The following ZMIZ1 variants were observed in gnomAD, a reference collection of about 807,000 sequenced individuals.
The protein encoded by ZMIZ1 is zinc finger MIZ-type containing 1.
Under a neutral mutation model 113.9 loss-of-function variants are expected in ZMIZ1, and 17 were observed. The observed-to-expected ratio is 0.15, with a 90% CI of 0.10 to 0.22. The LOEUF is 0.22. ZMIZ1 is among the 10% of genes least tolerant of loss of function. The pLI, the probability that ZMIZ1 is intolerant of heterozygous loss-of-function variation, is 1.00. For synonymous variants in ZMIZ1, 607 were observed against 603.1 expected (o/e 1.01, Z -0.09); for missense variants, 1,059 against 1,477.8 (o/e 0.72, Z 4.65).
In ZMIZ1 at chr10:79,162,315, C is replaced by T. The variant is rs577036738; in HGVS notation, c.-50+182C>T. Among the ~76,000 whole-genome samples the T allele has an allele frequency of 2.6e-5, 4 of 152,250 alleles. No homozygotes were observed. In the East Asian group the frequency reaches 7.7e-4, roughly 29 times the overall value. ...TGCCCCCAATGGGCTGTCCCTCTAC[C>T]TGGCACCCAGGGACCTCTTGGCCTG... On this transcript the variant is annotated intron_variant, in intron 4 of 24. Transcript: ENST00000334512.
chr10:79,307,860 C>G (rs1240366108), intron 23 of ZMIZ1, among the ~76,000 whole-genome samples: 1 of 152,132 alleles, frequency 6.6e-6, no homozygotes, highest in African/African-American at 2.4e-5. Context: ...GCACTCGCCA[C>G]TACCCAGCAC....
In ZMIZ1 at chr10:79,290,959, G is replaced by A. The variant is rs764513112; in HGVS notation, c.541G>A (p.Val181Ile). The A allele has an allele frequency of 2.5e-6, 4 of 1,612,854 alleles. No individual in the cohort carries two copies. The South Asian group carries it at 4.4e-5, about 18-fold the overall frequency. The change falls in exon 10 of 25, where the codon GTC becomes ATC. Residue 181 changes from valine (V) to isoleucine (I), a missense_variant and splice_region_variant. Physicochemically the swap from Val to Ile is conservative, Grantham distance 29 (BLOSUM62 3). Around this residue, in one of 6 missense-constraint regions of ZMIZ1, gnomAD observed 272 missense variants for 350.4 expected, o/e 0.78. Coordinates refer to ENST00000334512, the MANE Select transcript of ZMIZ1 (RefSeq NM_020338.4). Reference protein sequence around the residue: ...WGVTNTSQSQVLGNPMANANN... With the variant: ...WGVTNTSQSQILGNPMANANN... ...GTGACAACCACTTCTCTGCCCACAG[G>A]TCCTTGGGAACCCTATGGCCAATGC...
At chr10:79,223,712 C>T (rs1280759293) in intron 7 of ZMIZ1, among the ~76,000 whole-genome samples, 1 of 152,234 alleles carries the variant, frequency 6.6e-6, no homozygotes, top group Non-Finnish European at 1.5e-5. Context: ...GTGCTGGAAG[C>T]AGGTCTGATT....
At position 79,240,638 on chromosome 10, in the gene ZMIZ1, C is replaced by CTTTTTTTTTTTTT. The variant is rs56903717; in HGVS notation, c.280+24379_280+24391dup. Among the ~76,000 whole-genome samples, 85 of 55,320 alleles carry CTTTTTTTTTTTTT rather than the reference C, an allele frequency of 1.5e-3. 8 individuals carry two copies. The highest frequency in any genetic ancestry group is 5.2e-3 in the African/African-American group (62 of 11,984). 36.3% of individuals were successfully genotyped at this position (55,320 alleles called of 152,430 possible). The stretch of plus-strand genomic sequence containing the variant: ...CGTAAATCTAGTGAAGAGTATTTAT[C>CTTTTTTTTTTTTT]TTTTTTTTTTTTTTTTTTTTTTTTT... On this transcript the variant is annotated intron_variant, in intron 7 of 24. Transcript: ENST00000334512.
chr10:79,254,403 G>T (rs1306135370), intron 7 of ZMIZ1, among the ~76,000 whole-genome samples: 2 of 152,264 alleles, frequency 1.3e-5, no homozygotes, highest in African/African-American at 4.8e-5. Context: ...CAGAAGCAGA[G>T]TCAGGGTGCC....
intron 1 of ZMIZ1, among the ~76,000 whole-genome samples, chr10:79,084,001 C>T (rs1370221605): frequency 6.6e-6 from 1 of 152,138 alleles, no homozygotes; most frequent in Non-Finnish European, 1.5e-5. Flanking sequence ...TTTGGTCTCT[C>T]TCCTCCCCTC....
chr10:79,226,057 C>T (rs536286075), intron 7 of ZMIZ1, among the ~76,000 whole-genome samples: 22 of 152,368 alleles, frequency 1.4e-4, no homozygotes, highest in African/African-American at 4.6e-4. Flanking sequence ...GCAATACACG[C>T]AGTCCCTTCT....
chr10:79,299,469 C>T (rs185691408), intron 16 of ZMIZ1, among the ~76,000 whole-genome samples: 2 of 152,376 alleles, frequency 1.3e-5, no homozygotes, highest in Admixed American at 1.3e-4. Flanking sequence ...GGCTGGGAAG[C>T]TGTGTATCCC....
At chr10:79,215,633 C>T (rs1056305880) in intron 6 of ZMIZ1, among the ~76,000 whole-genome samples, 2 of 152,090 alleles carry the variant, frequency 1.3e-5, no homozygotes, top group South Asian at 2.1e-4. Context: ...CATGCTGACT[C>T]GGAGGGGCAG....
intron 7 of ZMIZ1, among the ~76,000 whole-genome samples, chr10:79,239,475 C>T (rs966183773): frequency 2.0e-5 from 3 of 152,334 alleles, no homozygotes; most frequent in Admixed American, 2.0e-4. Context: ...CTCTGAGCGC[C>T]TACGCCCGCA....
At chr10:79,104,333 C>T (rs1259005569) in intron 1 of ZMIZ1, among the ~76,000 whole-genome samples, 1 of 152,110 alleles carries the variant, frequency 6.6e-6, no homozygotes, top group African/African-American at 2.4e-5. Flanking sequence ...ATAGAGTCCG[C>T]GTGCATAGAA....
At chr10:79,196,070 C>A (rs953120577) in intron 4 of ZMIZ1, among the ~76,000 whole-genome samples, 1 of 152,162 alleles carries the variant, frequency 6.6e-6, no homozygotes, top group Non-Finnish European at 1.5e-5. Context: ...GCTCTCTAGG[C>A]CTTTGACCCT....
At chr10:79,183,382 ACG>A (rs923448830) in intron 4 of ZMIZ1, among the ~76,000 whole-genome samples, 6 of 148,014 alleles carry the variant, frequency 4.1e-5, no homozygotes, top group East Asian at 2.0e-4. Flanking sequence ...ACACACACAC[ACG>A]CACACACCCA....
chr10:79,145,114 CT>C (rs1845427951), intron 3 of ZMIZ1, among the ~76,000 whole-genome samples: 1 of 152,048 alleles, frequency 6.6e-6, no homozygotes, highest in Admixed American at 6.6e-5. Context: ...CCCCCTCCCC[CT>C]CTGTCTGTGT....
intron 4 of ZMIZ1, among the ~76,000 whole-genome samples, chr10:79,176,151 C>T (rs1382953675): frequency 6.6e-6 from 1 of 151,958 alleles, no homozygotes; most frequent in Non-Finnish European, 1.5e-5. Context: ...GGAGGCCCAA[C>T]GGGCCAGGAT....
intron 3 of ZMIZ1, among the ~76,000 whole-genome samples, chr10:79,157,793 G>A (rs1376670022): frequency 6.6e-6 from 1 of 152,176 alleles, no homozygotes; most frequent in African/African-American, 2.4e-5. Flanking sequence ...CCTTGCTCCT[G>A]GAGCCAGCAC....
chr10:79,229,027 C>T (rs933436844), intron 7 of ZMIZ1, among the ~76,000 whole-genome samples: 1 of 152,226 alleles, frequency 6.6e-6, no homozygotes, highest in African/African-American at 2.4e-5. Flanking sequence ...CTGAGACCTA[C>T]TTGCTATGTG....
intron 3 of ZMIZ1, among the ~76,000 whole-genome samples, chr10:79,154,393 C>T (rs1564684544): frequency 6.6e-6 from 1 of 152,146 alleles, no homozygotes; most frequent in Non-Finnish European, 1.5e-5. Flanking sequence ...CCCTCTAGGG[C>T]AGCCCTCAGA....
chr10:79,167,414 C>G (rs1846400885), intron 4 of ZMIZ1, among the ~76,000 whole-genome samples: 1 of 152,230 alleles, frequency 6.6e-6, no homozygotes, highest in South Asian at 2.1e-4. Context: ...AAACTGAGGC[C>G]TGAGGGAGGA....
Sources: allele counts gnomAD v4.1 joint callset (sites outside exome capture counted in the v4.1 genomes callset), GRCh38; gene constraint gnomAD v4.1.1; regional missense constraint gnomAD v4.1.1; transcripts MANE v1.5; gene names NCBI Gene and HGNC (gene_info 2026-07-23, HGNC 2026-07-21).